Variants in PCNT observed in about 807,000 individuals in gnomAD.
PCNT encodes the protein kendrin.
Under a neutral mutation model 380.4 loss-of-function variants are expected in PCNT, and 319 were observed. That is an observed-to-expected ratio of 0.84 (90% confidence interval 0.77 to 0.92). PCNT has a LOEUF of 0.92. Ranked by LOEUF, PCNT falls within the 40% of genes least tolerant of loss-of-function variation. The pLI, the probability that PCNT is intolerant of heterozygous loss-of-function variation, is 0.00. For synonymous variants in PCNT, 1,845 were observed against 1,735.2 expected, an observed-to-expected ratio of 1.06 and a Z score of -1.57; for missense variants, 4,400 against 4,255.3, an observed-to-expected ratio of 1.03 and a Z score of -0.95.
At chr21:46,357,296 C>A in intron 13 of PCNT, 105 bp downstream of exon 13, 1 of 830,642 alleles carries the variant, frequency 1.2e-6, no homozygotes, top group Non-Finnish European at 2.1e-6. Flanking sequence ...GGGGACAGCC[C>A]AGTGCTGTAC....
At chr21:46,404,074 G>T (rs2086546862) in intron 27 of PCNT, among the ~76,000 whole-genome samples, 2 of 130,242 alleles carry the variant, frequency 1.5e-5, no homozygotes, top group African/African-American at 7.0e-5. Flanking sequence ...CACAGCGTGG[G>T]AGAATTGTGT....
intron 28 of PCNT, 31 bp downstream of exon 28, chr21:46,412,098 A>AT (rs71318074): frequency 0.12 from 196,326 of 1,578,082 alleles, 9,950 homozygotes; most frequent in East Asian, 0.21. Context: ...ATGGCAGGGT[A>AT]TTTTTTTTTA....
chr21:46,347,072 G>A (rs1435432982), intron 5 of PCNT, 74 bp downstream of exon 5: 38 of 1,536,774 alleles, frequency 2.5e-5, no homozygotes, highest in Non-Finnish European at 3.2e-5. Context: ...TCCCTCTTGG[G>A]GTTGGGAGCT....
chr21:46,392,788 A>G (rs2086077529), intron 21 of PCNT, among the ~76,000 whole-genome samples: 1 of 151,944 alleles, frequency 6.6e-6, no homozygotes, highest in African/African-American at 2.4e-5. Flanking sequence ...TTCTTGGTTC[A>G]TTTCTGTCAT....
rs2084505381 is a variant in PCNT, at chr21:46,357,038, A to G, written c.2001A>G (p.Ala667=). 2 of 1,614,138 alleles carry G rather than the reference A, an allele frequency of 1.2e-6. No homozygotes were observed. Among genetic ancestry groups the G allele is most frequent in the Admixed American group, 1.7e-5 (1 of 60,010 alleles). Residue 667 remains alanine (A), a synonymous_variant, in exon 13 of 47, where the codon GCA becomes GCG. Transcript: ENST00000359568. ...ACTTGGAGGCCGACACAGAGCGGGCAGCCAGAGTCTTGGGTCTGGAAACTG... is the reference window on the plus strand; with the variant it reads ...ACTTGGAGGCCGACACAGAGCGGGCGGCCAGAGTCTTGGGTCTGGAAACTG... The part of the protein sequence containing the change: ...DGDLEADTER[A]ARVLGLETEH...
chr21:46,357,264 C>T (rs1000116573), intron 13 of PCNT, 73 bp downstream of exon 13: 4 of 1,088,086 alleles, frequency 3.7e-6, no homozygotes, highest in Admixed American at 3.4e-5. Flanking sequence ...GGCTTGTGTC[C>T]TTGTGTATGG....
intron 32 of PCNT, among the ~76,000 whole-genome samples, chr21:46,424,702 TGCTCCC>T (rs2087415022): frequency 1.1e-4 from 1 of 8,796 alleles, no homozygotes; most frequent in Non-Finnish European, 2.3e-4. Context: ...CCCCCGGCCC[TGCTCCC>T]ACTGCGCCCC....
chr21:46,445,576 A>G lies in PCNT; in HGVS notation c.*249A>G. ...CGTGAGGTGACGGGCACTCACTCCC[A>G]TGAGCCCTGGCTGTGTGCTGTTGTG... On this transcript the variant is annotated 3_prime_UTR_variant, in exon 47 of 47. Transcript: ENST00000359568. 1.8e-6 allele frequency: 1 copy of G among 551,524 alleles called. No homozygotes were observed. The highest frequency in any genetic ancestry group is 3.1e-5 in the East Asian group (1 of 31,862). 34.2% of individuals were successfully genotyped at this position (551,524 alleles called of 1,614,324 possible).
At chr21:46,423,813 GGAGGGGAGGAGGGGGAGGGGGAGGGGA>G (rs2087370248) in intron 32 of PCNT, among the ~76,000 whole-genome samples, 1 of 85,404 alleles carries the variant, frequency 1.2e-5, no homozygotes, top group Non-Finnish European at 2.4e-5. Context: ...AGGGGGAGTG[GGAGGGGAGGAGGGGGAGGGGGAGGGGA>G]GAGGGGAGGA....
At chr21:46,335,497 C>T (rs539250892) in intron 3 of PCNT, among the ~76,000 whole-genome samples, 11 of 151,964 alleles carry the variant, frequency 7.2e-5, no homozygotes, top group African/African-American at 2.7e-4. Context: ...AATTTTAGAC[C>T]AGCCTGGCCA....
At chr21:46,391,025 C>A in intron 20 of PCNT, 139 bp from the exon 21 acceptor site, 1 of 1,076,676 alleles carries the variant, frequency 9.3e-7, no homozygotes. Flanking sequence ...CTGTTGGAGG[C>A]CTACACCTGG....
intron 30 of PCNT, among the ~76,000 whole-genome samples, chr21:46,417,538 T>TTAA (rs151236874): frequency 0.18 from 26,804 of 152,026 alleles, 4,343 homozygotes; most frequent in African/African-American, 0.43. Context: ...CTAATTAATT[T>TTAA]TAATTTATGA....
chr21:46,327,907 A>G (rs974772986), intron 2 of PCNT, among the ~76,000 whole-genome samples: 22 of 152,206 alleles, frequency 1.4e-4, no homozygotes, highest in African/African-American at 5.1e-4. Context: ...GTGGCAGGTG[A>G]GTGCACACTG....
intron 15 of PCNT, among the ~76,000 whole-genome samples, chr21:46,377,051 G>C (rs559254325): frequency 6.6e-6 from 1 of 151,214 alleles, no homozygotes; most frequent in African/African-American, 2.4e-5. Flanking sequence ...GGGGGCACCC[G>C]ATCCTTTATC....
intron 2 of PCNT, among the ~76,000 whole-genome samples, chr21:46,328,222 C>G (rs1355986931): frequency 1.3e-5 from 2 of 149,334 alleles, no homozygotes; most frequent in African/African-American, 4.9e-5. Flanking sequence ...TGCTTTTTAT[C>G]TCTTGAGTGT....
intron 39 of PCNT, 103 bp downstream of exon 39, chr21:46,436,251 C>T: frequency 7.5e-7 from 1 of 1,333,974 alleles, no homozygotes; most frequent in Non-Finnish European, 1.0e-6. Flanking sequence ...GGCCCCTGCT[C>T]CTTTGCACTT....
chr21:46,373,380 G>A (rs936289806), intron 15 of PCNT, among the ~76,000 whole-genome samples: 10 of 151,550 alleles, frequency 6.6e-5, no homozygotes, highest in African/African-American at 1.2e-4. Flanking sequence ...ACAGGTTTGC[G>A]CGAGTAAGTT....
At chr21:46,435,310 C>T (rs940777605) in intron 38 of PCNT, among the ~76,000 whole-genome samples, 1 of 152,086 alleles carries the variant, frequency 6.6e-6, no homozygotes, top group Non-Finnish European at 1.5e-5. Flanking sequence ...ACTGTAACCT[C>T]TACCTTCTAG....
At chr21:46,381,592 G>A in intron 15 of PCNT, 102 bp from the exon 16 acceptor site, 1 of 1,064,112 alleles carries the variant, frequency 9.4e-7, no homozygotes, top group Non-Finnish European at 1.5e-6. Context: ...GTGCAGAGTG[G>A]GGGCTCCATG....
Sources: allele counts gnomAD v4.1 joint callset (sites outside exome capture counted in the v4.1 genomes callset), GRCh38; gene constraint gnomAD v4.1.1; transcripts MANE v1.5; gene names NCBI Gene and HGNC (gene_info 2026-07-23, HGNC 2026-07-21).